Variants in PCSK6 observed in about 807,000 individuals in gnomAD.
The protein encoded by PCSK6 is paired basic amino acid cleaving enzyme 4.
In PCSK6, 85 loss-of-function variants were observed where a neutral mutation model predicts 123.3. The observed-to-expected ratio is 0.69, with a 90% CI of 0.58 to 0.83. The LOEUF (loss-of-function observed/expected upper bound fraction) is 0.83, where lower values mean the gene tolerates loss of function less well. Ranked by LOEUF, PCSK6 falls within the 40% of genes least tolerant of loss-of-function variation. PCSK6 has a pLI of 0.00. For synonymous variants in PCSK6, 508 were observed against 516.0 expected (o/e 0.98, Z 0.21); for missense variants, 1,191 against 1,282.3 (o/e 0.93, Z 1.09).
intron 13 of PCSK6, among the ~76,000 whole-genome samples, chr15:101,341,558 G>A (rs1055179484): frequency 9.9e-5 from 15 of 152,110 alleles, no homozygotes; most frequent in East Asian, 1.9e-4. Flanking sequence ...CCCCATGCCC[G>A]GCCTAAAAAT....
intron 13 of PCSK6, among the ~76,000 whole-genome samples, chr15:101,341,163 A>G (rs947998828): frequency 5.3e-5 from 8 of 151,184 alleles, no homozygotes; most frequent in Non-Finnish European, 7.4e-5. Context: ...TTGAACTCCG[A>G]ACCTCAGGTG....
chr15:101,318,271 T>C, intron 19 of PCSK6, 48 bp downstream of exon 19: 1 of 1,371,302 alleles, frequency 7.3e-7, no homozygotes, highest in Non-Finnish European at 1.0e-6. Context: ...GCAGCTAGCC[T>C]ACGCTTGGGT....
intron 1 of PCSK6, among the ~76,000 whole-genome samples, chr15:101,477,109 G>C (rs993182555): frequency 6.6e-6 from 1 of 152,198 alleles, no homozygotes; most frequent in African/African-American, 2.4e-5. Flanking sequence ...TGACACAAAT[G>C]ATGGGCCAGC....
rs534104757 is a variant in PCSK6, at chr15:101,340,138, C to T, written c.1859-8107G>A. On this transcript the variant is annotated intron_variant, in intron 13 of 21. Coordinates refer to ENST00000611716, the MANE Select transcript of PCSK6 (RefSeq NM_002570.5). ...AAAAAGAGTACATATATGTGTGCTC[C>T]CCATGTACACACACGTCCATGGATG... is the stretch of plus-strand genomic sequence containing the variant. Among the ~76,000 whole-genome samples the T allele has an allele frequency of 8.6e-5, 13 of 151,960 alleles. No individual in the cohort carries two copies. In the South Asian group the frequency reaches 2.5e-3, roughly 29 times the overall value.
chr15:101,307,108 T>A, intron 21 of PCSK6, 105 bp downstream of exon 21: 1 of 767,738 alleles, frequency 1.3e-6, no homozygotes, highest in East Asian at 2.7e-5. Flanking sequence ...AACGCCTGTC[T>A]GTGGAGCCGC....
At chr15:101,367,077 C>T (rs2041419851) in intron 12 of PCSK6, among the ~76,000 whole-genome samples, 2 of 152,190 alleles carry the variant, frequency 1.3e-5, no homozygotes, top group African/African-American at 4.8e-5. Context: ...CCACCCCCAG[C>T]AGTACCCTCC....
At chr15:101,449,819 C>T (rs927689838) in intron 1 of PCSK6, among the ~76,000 whole-genome samples, 4 of 152,126 alleles carry the variant, frequency 2.6e-5, no homozygotes, top group Non-Finnish European at 5.9e-5. Context: ...TCCTGCCAAC[C>T]AATCCTGGGT....
chr15:101,329,915 C>T (rs1350552668), intron 15 of PCSK6, among the ~76,000 whole-genome samples: 2 of 152,212 alleles, frequency 1.3e-5, no homozygotes, highest in African/African-American at 4.8e-5. Context: ...TCCCTAAGCC[C>T]ACGGTGCCTG....
chr15:101,389,164 C>T (rs746245987), intron 9 of PCSK6, among the ~76,000 whole-genome samples: 2 of 152,200 alleles, frequency 1.3e-5, no homozygotes, highest in Non-Finnish European at 2.9e-5. Context: ...CCAGGAATTC[C>T]AGGCTCCAGA....
rs76959991 is a variant in PCSK6, at chr15:101,430,079, G to A, written c.658-16C>T. 0.036 allele frequency: 57,970 copies of A among 1,608,862 alleles called. 1,151 individuals carry two copies. The highest frequency in any genetic ancestry group is 0.069 in the Middle Eastern group (418 of 6,050). ...CGTAGGAATCCTAAGAAATGGAATC[G>A]TGGTGAGTGAGGAGAAATGGCATGT... is the stretch of plus-strand genomic sequence containing the variant. On this transcript the variant is annotated splice_polypyrimidine_tract_variant and intron_variant, in intron 4 of 21. Transcript: ENST00000611716.
At chr15:101,413,603 T>C (rs1458584497) in intron 6 of PCSK6, among the ~76,000 whole-genome samples, 1 of 151,980 alleles carries the variant, frequency 6.6e-6, no homozygotes, top group Admixed American at 6.6e-5. Flanking sequence ...GGCAAGTGAA[T>C]CTAAAAACAT....
chr15:101,457,271 C>T (rs901866006), intron 1 of PCSK6, among the ~76,000 whole-genome samples: 1 of 152,190 alleles, frequency 6.6e-6, no homozygotes, highest in Non-Finnish European at 1.5e-5. Context: ...AGATCTGAAT[C>T]CCAACTCCTC....
chr15:101,363,347 GAC>G (rs1192973574), intron 13 of PCSK6, among the ~76,000 whole-genome samples: 1 of 152,218 alleles, frequency 6.6e-6, no homozygotes. Flanking sequence ...ATGCCATGAG[GAC>G]ACAAGAGCAG....
intron 11 of PCSK6, among the ~76,000 whole-genome samples, chr15:101,374,214 G>A (rs145503544): frequency 0.013 from 1,913 of 152,156 alleles, 44 homozygotes; most frequent in African/African-American, 0.044. Context: ...CTGAGGAGGC[G>A]AAGGCCCACC....
chr15:101,349,377 C>T (rs1596213706), intron 13 of PCSK6, among the ~76,000 whole-genome samples: 1 of 152,174 alleles, frequency 6.6e-6, no homozygotes, highest in Non-Finnish European at 1.5e-5. Context: ...TCCCTTAGGG[C>T]CAGCCAACCC....
intron 9 of PCSK6, among the ~76,000 whole-genome samples, chr15:101,388,954 G>A (rs148735373): frequency 1.2e-3 from 186 of 152,232 alleles, no homozygotes; most frequent in African/African-American, 4.3e-3. Flanking sequence ...TGTATTCATC[G>A]AAGTCTTAGG....
At chr15:101,424,237 CAAA>C (rs55970616) in intron 6 of PCSK6, among the ~76,000 whole-genome samples, 4 of 132,148 alleles carry the variant, frequency 3.0e-5, no homozygotes, top group South Asian at 2.3e-4. Flanking sequence ...CCCATCTCTT[CAAA>C]AAAAAAAAAA....
intron 1 of PCSK6, among the ~76,000 whole-genome samples, chr15:101,464,180 C>A (rs1055635915): frequency 6.6e-6 from 1 of 152,194 alleles, no homozygotes; most frequent in African/African-American, 2.4e-5. Flanking sequence ...GCCTTGCAAG[C>A]TGGTGCCCTT....
chr15:101,408,964 G>A (rs950547347), intron 6 of PCSK6, among the ~76,000 whole-genome samples: 3 of 152,338 alleles, frequency 2.0e-5, no homozygotes, highest in East Asian at 1.9e-4. Flanking sequence ...GGTCGCTGCC[G>A]TTTACTTTTC....
Sources: allele counts gnomAD v4.1 joint callset (sites outside exome capture counted in the v4.1 genomes callset), GRCh38; gene constraint gnomAD v4.1.1; transcripts MANE v1.5; gene names NCBI Gene and HGNC (gene_info 2026-07-23, HGNC 2026-07-21).